Variants in SOX5 observed in about 807,000 individuals in gnomAD.
SOX5 encodes transcription factor SOX-5.
A neutral mutation model predicts 92.0 loss-of-function variants in SOX5; 9 were observed. That is an observed-to-expected ratio of 0.10 (90% CI 0.06 to 0.17). The LOEUF (loss-of-function observed/expected upper bound fraction) is 0.17. SOX5 is among the 10% of genes least tolerant of loss of function. SOX5 has a pLI of 1.00. For synonymous variants in SOX5, 344 were observed against 336.3 expected (o/e 1.02, Z -0.25); for missense variants, 642 against 944.5 (o/e 0.68, Z 4.20).
intron 2 of SOX5, among the ~76,000 whole-genome samples, chr12:24,277,489 TAAA>T (rs1944599187): frequency 1.7e-5 from 2 of 120,490 alleles, no homozygotes; most frequent in East Asian, 4.2e-4. Context: ...AATATATATG[TAAA>T]TTTACATTTA....
At chr12:23,798,370 T>C (rs185867064) in intron 3 of SOX5, among the ~76,000 whole-genome samples, 1 of 152,098 alleles carries the variant, frequency 6.6e-6, no homozygotes, top group East Asian at 1.9e-4. Context: ...TTTGAAACAC[T>C]GCAAATTAAG....
At chr12:23,827,845 A>C (rs1427031880) in intron 3 of SOX5, among the ~76,000 whole-genome samples, 3 of 152,218 alleles carry the variant, frequency 2.0e-5, no homozygotes, top group African/African-American at 4.8e-5. Flanking sequence ...GGGAAGGAGC[A>C]AATGAATTTT....
intron 2 of SOX5, among the ~76,000 whole-genome samples, chr12:24,325,205 G>T (rs897712200): frequency 6.6e-6 from 1 of 151,516 alleles, no homozygotes; most frequent in Non-Finnish European, 1.5e-5. Context: ...ATAATAGAAA[G>T]TTATACACAC....
At chr12:23,568,344 A>T (rs550263111) in intron 10 of SOX5, among the ~76,000 whole-genome samples, 1 of 152,264 alleles carries the variant, frequency 6.6e-6, no homozygotes, top group African/African-American at 2.4e-5. Flanking sequence ...ATAGCAAGAG[A>T]ATAAATTTCT....
intron 3 of SOX5, among the ~76,000 whole-genome samples, chr12:23,816,207 C>CTTTTTTTTTTTTT (rs11347313): frequency 7.7e-6 from 1 of 129,652 alleles, no homozygotes. Context: ...GACAAGATTT[C>CTTTTTTTTTTTTT]TTTTTTTTTT....
chr12:24,307,129 G>C (rs549025715), intron 2 of SOX5, among the ~76,000 whole-genome samples: 7 of 152,152 alleles, frequency 4.6e-5, no homozygotes, highest in African/African-American at 1.7e-4. Context: ...TCCAAGCTTG[G>C]AACAGGAGAA....
At chr12:24,360,614 T>G (rs1359392054) in intron 2 of SOX5, among the ~76,000 whole-genome samples, 2 of 152,178 alleles carry the variant, frequency 1.3e-5, no homozygotes, top group Admixed American at 6.5e-5. Context: ...CTCGAGGTTT[T>G]TTGTCTGAGT....
chr12:23,731,651 A>G (rs534741078), intron 6 of SOX5, among the ~76,000 whole-genome samples: 2 of 152,272 alleles, frequency 1.3e-5, no homozygotes, highest in South Asian at 4.1e-4. Context: ...ATATCCATCA[A>G]ATGAAAAAAA....
intron 1 of SOX5, among the ~76,000 whole-genome samples, chr12:24,387,044 T>C (rs1294763043): frequency 6.6e-6 from 1 of 152,220 alleles, no homozygotes; most frequent in Admixed American, 6.5e-5. Context: ...CACGGGGCCA[T>C]GTAAATGATT....
intron 2 of SOX5, among the ~76,000 whole-genome samples, chr12:24,296,825 A>AAG: frequency 6.6e-6 from 1 of 151,504 alleles, no homozygotes; most frequent in Non-Finnish European, 1.5e-5. Flanking sequence ...TCTTAAAAAA[A>AAG]AAAAAAAAAA....
At chr12:23,792,449 A>G (rs1000842255) in intron 3 of SOX5, among the ~76,000 whole-genome samples, 7 of 150,976 alleles carry the variant, frequency 4.6e-5, no homozygotes, top group African/African-American at 1.7e-4. Flanking sequence ...ATGGTGAAAC[A>G]CCATCTCTAC....
intron 10 of SOX5, among the ~76,000 whole-genome samples, chr12:23,571,627 T>G (rs186801042): frequency 6.6e-6 from 1 of 152,170 alleles, no homozygotes; most frequent in African/African-American, 2.4e-5. Context: ...CACCAACCAA[T>G]AGATCATGGT....
rs138196162 is a variant in SOX5, at chr12:23,697,699, C to T, written c.811-32135G>A. Reference sequence around the variant, plus strand: ...ACGAGCAGCTGGGATTACCAGCATTCGGCACCATGTTTGGCTAATTTTTAT... The same window carrying T: ...ACGAGCAGCTGGGATTACCAGCATTTGGCACCATGTTTGGCTAATTTTTAT... On this transcript the variant is annotated intron_variant, in intron 6 of 14. Coordinates refer to ENST00000451604, the MANE Select transcript of SOX5 (RefSeq NM_006940.6). Among the ~76,000 whole-genome samples the T allele has an allele frequency of 5.5e-3, 834 of 152,106 alleles. 7 individuals carry two copies. The highest frequency in any genetic ancestry group is 0.02 in the South Asian group (98 of 4,812).
At chr12:24,298,690 CTAT>C (rs1947577030) in intron 2 of SOX5, among the ~76,000 whole-genome samples, 1 of 146,412 alleles carries the variant, frequency 6.8e-6, no homozygotes, top group Non-Finnish European at 1.5e-5. Flanking sequence ...CAGAAAAATA[CTAT>C]GAGAGAAGAA....
intron 4 of SOX5, among the ~76,000 whole-genome samples, chr12:23,986,384 A>G (rs1014056500): frequency 2.6e-5 from 4 of 152,188 alleles, no homozygotes; most frequent in Admixed American, 2.6e-4. Flanking sequence ...CACATGTATA[A>G]AGTAGGTATC....
chr12:24,026,355 T>C (rs1350798614), intron 4 of SOX5, among the ~76,000 whole-genome samples: 1 of 152,006 alleles, frequency 6.6e-6, no homozygotes, highest in Non-Finnish European at 1.5e-5. Flanking sequence ...TTAAAAAAAT[T>C]CACTGATTGT....
At chr12:24,174,481 T>C (rs937658730) in intron 4 of SOX5, among the ~76,000 whole-genome samples, 2 of 151,746 alleles carry the variant, frequency 1.3e-5, no homozygotes, top group African/African-American at 4.8e-5. Context: ...CCAATTCTTG[T>C]TCCAGACATT....
chr12:24,404,323 G>A (rs573389788), intron 1 of SOX5, among the ~76,000 whole-genome samples: 2 of 152,286 alleles, frequency 1.3e-5, no homozygotes, highest in African/African-American at 4.8e-5. Flanking sequence ...CAAGTCATAT[G>A]AATAACACCA....
chr12:23,892,412 T>C (rs756926971), intron 2 of SOX5, among the ~76,000 whole-genome samples: 5 of 152,170 alleles, frequency 3.3e-5, no homozygotes, highest in Non-Finnish European at 5.9e-5. Flanking sequence ...GATGTGTTAA[T>C]AGAAGACACT....
Sources: gnomAD v4.1 joint callset for allele counts (sites outside exome capture counted in the v4.1 genomes callset) on GRCh38, gnomAD v4.1.1 for gene constraint, MANE v1.5 for transcripts, NCBI Gene and HGNC (gene_info 2026-07-23, HGNC 2026-07-21) for gene names.